The following ZNRF1 variants were observed in gnomAD, a reference collection of about 807,000 sequenced individuals.
The protein encoded by ZNRF1 is zinc and ring finger 1.
A neutral mutation model predicts 18.4 loss-of-function variants in ZNRF1; 3 were observed. That is an observed-to-expected ratio of 0.16 (90% CI 0.07 to 0.42). ZNRF1 has a LOEUF of 0.42. ZNRF1 is among the 10% of genes least tolerant of loss of function. ZNRF1 has a pLI of 0.99. For synonymous variants in ZNRF1, 157 were observed against 144.2 expected (o/e 1.09, Z -0.64); for missense variants, 310 against 329.8 (o/e 0.94, Z 0.47).
At chr16:75,029,971 G>A (rs2035279015) in intron 1 of ZNRF1, among the ~76,000 whole-genome samples, 1 of 151,338 alleles carries the variant, frequency 6.6e-6, no homozygotes, top group Non-Finnish European at 1.5e-5. Flanking sequence ...GCCAAGGAGG[G>A]AAGATTGCTT....
At chr16:75,073,986 A>C (rs530533682) in intron 1 of ZNRF1, among the ~76,000 whole-genome samples, 1 of 152,250 alleles carries the variant, frequency 6.6e-6, no homozygotes, top group East Asian at 1.9e-4. Flanking sequence ...CCTAACTTTC[A>C]GCCTGGCTCT....
At chr16:75,034,213 TTAAA>T (rs1597870717) in intron 1 of ZNRF1, among the ~76,000 whole-genome samples, 1 of 152,188 alleles carries the variant, frequency 6.6e-6, no homozygotes, top group East Asian at 1.9e-4. Context: ...TTCAGTAGTG[TTAAA>T]TATATTTACA....
chr16:75,070,772 A>G (rs2035860787), intron 1 of ZNRF1, among the ~76,000 whole-genome samples: 1 of 152,182 alleles, frequency 6.6e-6, no homozygotes, highest in South Asian at 2.1e-4. Context: ...AGATCGGATC[A>G]GATAGTGATC....
At chr16:75,007,457 C>G (rs555553090) in intron 1 of ZNRF1, among the ~76,000 whole-genome samples, 4 of 152,252 alleles carry the variant, frequency 2.6e-5, no homozygotes, top group African/African-American at 9.6e-5. Context: ...CACAGCTTTC[C>G]TCTGTTGGGA....
chr16:75,007,026 G>A (rs2034928115), intron 1 of ZNRF1, among the ~76,000 whole-genome samples: 1 of 151,274 alleles, frequency 6.6e-6, no homozygotes, highest in South Asian at 2.1e-4. Flanking sequence ...CAGCCCTCAA[G>A]TGTGAAGTGT....
chr16:75,020,379 AT>A (rs1414110790), intron 1 of ZNRF1, among the ~76,000 whole-genome samples: 2 of 151,980 alleles, frequency 1.3e-5, no homozygotes, highest in Non-Finnish European at 2.9e-5. Context: ...TGTTTAACCC[AT>A]TTAAAAGTAT....
chr16:75,096,816 G>A (rs767090985), intron 2 of ZNRF1, among the ~76,000 whole-genome samples: 2 of 152,168 alleles, frequency 1.3e-5, no homozygotes, highest in Admixed American at 6.5e-5. Flanking sequence ...CTGAGTGGTG[G>A]GTTGGAAGGC....
intron 1 of ZNRF1, among the ~76,000 whole-genome samples, chr16:75,010,074 C>G (rs970459003): frequency 2.0e-5 from 3 of 152,090 alleles, no homozygotes; most frequent in African/African-American, 7.2e-5. Context: ...CCTCTGCCCC[C>G]CGGGTTCAAG....
intron 1 of ZNRF1, among the ~76,000 whole-genome samples, chr16:75,060,473 C>CTTTTTTTTTTTTTTTTTTTTTTTTTTTTT (rs34182819): frequency 1.4e-5 from 1 of 70,246 alleles, no homozygotes; most frequent in Non-Finnish European, 2.6e-5. Context: ...CTCAGAAAAT[C>CTTTTTTTTTTTTTTTTTTTTTTTTTTTTT]TTTTTTTTTT....
At chr16:75,078,290 T>C (rs543104104) in intron 1 of ZNRF1, among the ~76,000 whole-genome samples, 2 of 150,322 alleles carry the variant, frequency 1.3e-5, no homozygotes, top group African/African-American at 4.9e-5. Context: ...TACATTTCTT[T>C]CTTTCCTTTT....
chr16:75,039,618 G>A (rs1462693968), intron 1 of ZNRF1, among the ~76,000 whole-genome samples: 1 of 152,162 alleles, frequency 6.6e-6, no homozygotes. Context: ...TACATCTCTG[G>A]TGAGACTTTG....
intron 2 of ZNRF1, 119 bp from the exon 3 acceptor site, chr16:75,104,665 A>G: frequency 1.3e-6 from 1 of 789,514 alleles, no homozygotes. Context: ...TGTCCCCTGC[A>G]GAGCCGGGCA....
At chr16:75,096,596 T>C (rs1047268233) in intron 2 of ZNRF1, among the ~76,000 whole-genome samples, 2 of 152,192 alleles carry the variant, frequency 1.3e-5, no homozygotes, top group Admixed American at 6.5e-5. Context: ...AGTTTTCTTA[T>C]GAAGATTCAC....
chr16:75,094,710 A>G (rs1275091434), intron 2 of ZNRF1, among the ~76,000 whole-genome samples: 4 of 152,174 alleles, frequency 2.6e-5, no homozygotes, highest in Non-Finnish European at 4.4e-5. Flanking sequence ...TCCAGAGCCC[A>G]CAGACTTCTC....
chr16:75,008,892 G>T (rs2034958626), intron 1 of ZNRF1, among the ~76,000 whole-genome samples: 1 of 152,080 alleles, frequency 6.6e-6, no homozygotes, highest in Admixed American at 6.5e-5. Context: ...CCCTATTTCT[G>T]GGTTGGGGCA....
In ZNRF1 at chr16:75,061,855, C is replaced by T. The variant is rs76479740; in HGVS notation, c.425-31717C>T. On this transcript the variant is annotated intron_variant, in intron 1 of 4. Transcript: ENST00000335325. ...CTAATTTGAGGAACCAGGTGCTTTG[C>T]GTCAGCTTCTGACCTGGCTGAGACC... Among the ~76,000 whole-genome samples, 1,041 of 152,304 alleles carry T rather than the reference C, an allele frequency of 6.8e-3. 8 individuals carry two copies. The highest frequency in any genetic ancestry group is 0.024 in the African/African-American group (1,009 of 41,568).
chr16:75,004,792 C>G (rs903362137), intron 1 of ZNRF1, among the ~76,000 whole-genome samples: 2 of 152,012 alleles, frequency 1.3e-5, no homozygotes, highest in Admixed American at 1.3e-4. Flanking sequence ...TTTATACAAT[C>G]TTTTGTAGAG....
chr16:75,071,306 G>A (rs1318046991), intron 1 of ZNRF1, among the ~76,000 whole-genome samples: 1 of 152,128 alleles, frequency 6.6e-6, no homozygotes, highest in East Asian at 1.9e-4. Context: ...CGCCATGTTG[G>A]CCTGGCTGGT....
chr16:74,999,574 C>T lies in ZNRF1; in HGVS notation c.-98C>T, dbSNP rs889623546. On this transcript the variant is annotated 5_prime_UTR_variant, in exon 1 of 5. Transcript: ENST00000335325. ...CTCCCTCCGGGTCTCCTTTTTGACTCCCTCCCCCTTTATGCTCGCCCAGCC... is the reference window on the plus strand; with the variant it reads ...CTCCCTCCGGGTCTCCTTTTTGACTTCCTCCCCCTTTATGCTCGCCCAGCC... The T allele has an allele frequency of 1.1e-6, 1 of 915,370 alleles. No homozygotes were observed. Among genetic ancestry groups the T allele is most frequent in the Non-Finnish European group, 1.5e-6 (1 of 686,688 alleles). 56.7% of individuals were successfully genotyped at this position (915,370 alleles called of 1,614,324 possible). A position where few individuals can be genotyped will look rare whatever the true frequency, so the allele number is the denominator to read the frequency against.
Sources: allele counts gnomAD v4.1 joint callset (sites outside exome capture counted in the v4.1 genomes callset), GRCh38; gene constraint gnomAD v4.1.1; transcripts MANE v1.5; gene names NCBI Gene and HGNC (gene_info 2026-07-23, HGNC 2026-07-21).